LRP1B: variants seen among roughly 807,000 people sequenced by gnomAD.
LRP1B encodes the protein low-density lipoprotein receptor-related protein 1B.
LRP1B carries 217 observed loss-of-function variants against 556.6 expected under a neutral mutation model. The ratio of observed to expected loss-of-function variants is 0.39; its 90% confidence interval spans 0.35 to 0.44. The LOEUF is 0.44. Among genes scored for constraint, LRP1B ranks in the 20% least tolerant of loss-of-function variants. The probability of loss-of-function intolerance (pLI) is 1.00; values close to 1 mark genes in which losing one functional copy is unlikely to be tolerated. For missense variants in LRP1B, 5,053 were observed against 5,620.8 expected (o/e 0.90, Z 3.23); for synonymous variants, 2,047 against 1,865.8 (o/e 1.10, Z -2.50).
At chr2:140,742,432 T>C (rs1223650693) in intron 35 of LRP1B, among the ~76,000 whole-genome samples, 3 of 152,222 alleles carry the variant, frequency 2.0e-5, no homozygotes, top group South Asian at 4.1e-4. Context: ...TAAATCATTC[T>C]GTAATAAATA....
At chr2:141,879,379 G>A (rs1279830456) in intron 1 of LRP1B, among the ~76,000 whole-genome samples, 1 of 151,812 alleles carries the variant, frequency 6.6e-6, no homozygotes, top group Non-Finnish European at 1.5e-5. Context: ...TAAAACAAAT[G>A]CACTAGGAAA....
intron 66 of LRP1B, 113 bp from the exon 67 acceptor site, chr2:140,386,122 C>A (rs1683750827): frequency 3.0e-6 from 2 of 677,578 alleles, no homozygotes; most frequent in Non-Finnish European, 5.2e-6. Flanking sequence ...AATTCAGTTA[C>A]TAAGAAGCAT....
chr2:140,687,216 A>G (rs1201410210), intron 41 of LRP1B, among the ~76,000 whole-genome samples: 1 of 152,104 alleles, frequency 6.6e-6, no homozygotes, highest in Non-Finnish European at 1.5e-5. Context: ...AGGAAATGGA[A>G]AGGAATCATG....
intron 1 of LRP1B, among the ~76,000 whole-genome samples, chr2:142,072,724 G>A (rs1705367149): frequency 6.6e-6 from 1 of 151,926 alleles, no homozygotes; most frequent in South Asian, 2.1e-4. Flanking sequence ...ATTACACTAT[G>A]CGCTCCAAGT....
At chr2:141,755,525 G>A (rs1694285617) in intron 2 of LRP1B, among the ~76,000 whole-genome samples, 1 of 151,984 alleles carries the variant, frequency 6.6e-6, no homozygotes, top group East Asian at 1.9e-4. Flanking sequence ...CTCAGTCTTG[G>A]CAAGGCTATA....
At chr2:140,790,804 C>T (rs568186907) in intron 32 of LRP1B, among the ~76,000 whole-genome samples, 1 of 152,056 alleles carries the variant, frequency 6.6e-6, no homozygotes, top group Non-Finnish European at 1.5e-5. Flanking sequence ...AGGCAAGTTA[C>T]CTTAAGAAAA....
In LRP1B at chr2:141,049,236, A is replaced by G. The variant is rs1698967227; in HGVS notation, c.1553-14T>C. 6.5e-7 allele frequency: 1 copy of G among 1,530,142 alleles called. No individual in the cohort carries two copies. Among genetic ancestry groups the G allele is most frequent in the East Asian group, 2.3e-5 (1 of 44,336 alleles). The allele number at this position is 1,530,142 out of a possible 1,614,324, so 94.8% of individuals were successfully genotyped here. Reference sequence around the variant, plus strand: ...CATTCTTTGGTCCTGCAGAGGAAAGATTACAAACACAAACAACTGATGCTG... The same window carrying G: ...CATTCTTTGGTCCTGCAGAGGAAAGGTTACAAACACAAACAACTGATGCTG... On this transcript the variant is annotated splice_polypyrimidine_tract_variant and intron_variant, in intron 10 of 90. Coordinates refer to ENST00000389484, the MANE Select transcript of LRP1B (RefSeq NM_018557.3).
intron 86 of LRP1B, among the ~76,000 whole-genome samples, chr2:140,256,364 T>A (rs983946508): frequency 3.3e-5 from 5 of 151,138 alleles, no homozygotes; most frequent in African/African-American, 1.2e-4. Flanking sequence ...TTAACCTTAG[T>A]CTCCCCCTTA....
Position 140,601,437 on chromosome 2 carries a change from C to T in LRP1B, c.6989+13G>A, listed in dbSNP as rs2105197932. 4 of 1,573,826 alleles carry T rather than the reference C, an allele frequency of 2.5e-6. No homozygotes were observed. Among genetic ancestry groups the T allele is most frequent in the Non-Finnish European group, 3.5e-6 (4 of 1,153,378 alleles). On this transcript the variant is annotated intron_variant, in intron 42 of 90. Coordinates refer to ENST00000389484, the MANE Select transcript of LRP1B (RefSeq NM_018557.3). The stretch of plus-strand genomic sequence containing the variant: ...TAACTATAATGAAGAAATAAAACTA[C>T]ACTGTTTCTTACTTTTGACATTCAT...
At chr2:141,079,389 A>C (rs1378220602) in intron 7 of LRP1B, among the ~76,000 whole-genome samples, 4 of 152,208 alleles carry the variant, frequency 2.6e-5, no homozygotes, top group African/African-American at 9.6e-5. Flanking sequence ...ATGTGCTGAG[A>C]GACTGTGAAA....
chr2:140,979,623 C>T (rs1023012566), intron 18 of LRP1B, among the ~76,000 whole-genome samples: 1 of 152,094 alleles, frequency 6.6e-6, no homozygotes, highest in East Asian at 1.9e-4. Flanking sequence ...GGTTCCTCCC[C>T]ACCAGGAAAT....
chr2:141,935,890 C>T (rs1700622605), intron 1 of LRP1B, among the ~76,000 whole-genome samples: 1 of 152,092 alleles, frequency 6.6e-6, no homozygotes, highest in African/African-American at 2.4e-5. Context: ...GTGTTCAAGG[C>T]CAGCCAAAGC....
intron 89 of LRP1B, among the ~76,000 whole-genome samples, chr2:140,236,202 TAGAA>T (rs1680690517): frequency 6.6e-6 from 1 of 150,964 alleles, no homozygotes; most frequent in African/African-American, 2.4e-5. Context: ...ATTTTAGGCT[TAGAA>T]AGCCTAATCA....
chr2:141,916,625 G>T (rs910121619), intron 1 of LRP1B, among the ~76,000 whole-genome samples: 2 of 148,288 alleles, frequency 1.3e-5, no homozygotes, highest in Non-Finnish European at 3.0e-5. Context: ...CTCGTGATCC[G>T]CCCTCCTCAG....
chr2:141,309,143 T>G (rs376657605), intron 3 of LRP1B, among the ~76,000 whole-genome samples: 1 of 152,232 alleles, frequency 6.6e-6, no homozygotes, highest in Admixed American at 6.5e-5. Context: ...CTGTTTATTT[T>G]CATTGCCTCT....
At chr2:141,946,467 A>G (rs546223119) in intron 1 of LRP1B, among the ~76,000 whole-genome samples, 2 of 152,278 alleles carry the variant, frequency 1.3e-5, no homozygotes, top group South Asian at 4.1e-4. Flanking sequence ...AGGATGGCAA[A>G]TAGAAGAAAG....
At chr2:141,215,882 T>A (rs72855028) in intron 6 of LRP1B, among the ~76,000 whole-genome samples, 16 of 152,308 alleles carry the variant, frequency 1.1e-4, no homozygotes, top group Non-Finnish European at 2.9e-5. Flanking sequence ...TATAAAAGTT[T>A]GGAAAGTTTG....
At chr2:140,435,134 C>G (rs1686117372) in intron 66 of LRP1B, among the ~76,000 whole-genome samples, 1 of 152,132 alleles carries the variant, frequency 6.6e-6, no homozygotes, top group Non-Finnish European at 1.5e-5. Context: ...GATATTTCAA[C>G]AGAATCTGCA....
intron 83 of LRP1B, among the ~76,000 whole-genome samples, chr2:140,302,066 C>T (rs1683855756): frequency 6.6e-6 from 1 of 152,108 alleles, no homozygotes; most frequent in Admixed American, 6.6e-5. Context: ...GCTGGAAGAT[C>T]TTTCTCCAGT....
Sources: allele counts gnomAD v4.1 joint callset (sites outside exome capture counted in the v4.1 genomes callset), GRCh38; gene constraint gnomAD v4.1.1; transcripts MANE v1.5; gene names NCBI Gene and HGNC (gene_info 2026-07-23, HGNC 2026-07-21).